CFAP410: variants seen among roughly 807,000 people sequenced by gnomAD.
The protein encoded by CFAP410 is cilia- and flagella-associated protein 410.
In CFAP410, 27 loss-of-function variants were observed where a neutral mutation model predicts 25.7. The ratio of observed to expected loss-of-function variants is 1.05; its 90% CI spans 0.77 to 1.45. CFAP410 has a LOEUF of 1.45. Among genes scored for constraint, CFAP410 ranks in the 40% most tolerant of loss-of-function variants. The probability of loss-of-function intolerance (pLI) is 0.00; values close to 1 mark genes in which losing one functional copy is unlikely to be tolerated. For synonymous variants in CFAP410, 178 were observed against 158.4 expected (o/e 1.12, Z -0.93); for missense variants, 428 against 354.1 (o/e 1.21, Z -1.67).
intron 3 of CFAP410, chr21:44,334,528 C>G (rs949783787): frequency 1.2e-4 from 2 of 17,370 alleles, no homozygotes; most frequent in African/African-American, 3.3e-4. Context: ...CCCCCCCCCC[C>G]CCCCCGCTCA....
rs2047686748 is a variant in CFAP410, at chr21:44,333,237, G to GCTC, written c.166_168dup (p.Glu56dup). 6.2e-7 allele frequency: 1 copy of GCTC among 1,612,198 alleles called. No homozygotes were observed. The highest frequency in any genetic ancestry group is 1.7e-5 in the Admixed American group (1 of 59,950). ...CTCAGGCGCTGGCACCGGCTCACAG[G>GCTC]CTCCAGGGTGGAGATGCTGTTGACA... On this transcript the variant is annotated inframe_insertion, in exon 4 of 7. Transcript: ENST00000339818.
At position 44,330,818 on chromosome 21, in the gene CFAP410, C is replaced by T; in HGVS notation, c.642+5G>A. ...AGCCGCGGCCCCTAGCGGCCCGCCA[C>T]TCACCCTGCCCCTGTGGCTGCTCGA... On this transcript the variant is annotated splice_donor_5th_base_variant and intron_variant, in intron 6 of 6. Coordinates refer to ENST00000339818, the MANE Select transcript of CFAP410 (RefSeq NM_004928.3). The T allele has an allele frequency of 6.3e-7, 1 of 1,597,252 alleles. No individual in the cohort carries two copies.
chr21:44,337,194 C>T lies in CFAP410; in HGVS notation c.96+455G>A, dbSNP rs149244254. On this transcript the variant is annotated intron_variant, in intron 2 of 6. Transcript: ENST00000339818. Reference sequence around the variant, plus strand: ...AGAGAAGAAAAAAATCTTTCACAGACGCACACACTCAAGTTCTCCCAGCAG... The same window carrying T: ...AGAGAAGAAAAAAATCTTTCACAGATGCACACACTCAAGTTCTCCCAGCAG... 2.8e-4 allele frequency among the ~76,000 whole-genome samples: 42 copies of T among 152,198 alleles called. No homozygotes were observed. In the East Asian group the frequency reaches 5.8e-3, roughly 21 times the overall value.
At chr21:44,338,281 G>A in intron 1 of CFAP410, 1 of 1,286,464 alleles carries the variant, frequency 7.8e-7, no homozygotes, top group South Asian at 1.2e-5. Context: ...TGCTCTCGCT[G>A]ACCCCCACAC....
chr21:44,330,576 C>G, intron 6 of CFAP410: 1 of 1,549,750 alleles, frequency 6.5e-7, no homozygotes, highest in African/African-American at 1.4e-5. Flanking sequence ...CCACATTCCA[C>G]AGACCAGGAC....
chr21:44,335,698 C>T (rs889274820), intron 3 of CFAP410, 60 bp downstream of exon 3: 109 of 1,332,106 alleles, frequency 8.2e-5, no homozygotes, highest in Admixed American at 2.9e-4. Flanking sequence ...ACTGGAGGGA[C>T]GTGAGGCTCT....
At chr21:44,337,096 A>AG (rs1568992246) in intron 2 of CFAP410, among the ~76,000 whole-genome samples, 8 of 151,448 alleles carry the variant, frequency 5.3e-5, no homozygotes, top group Non-Finnish European at 7.4e-5. Flanking sequence ...AAAAAAAAAA[A>AG]AAAGAAAGAA....
chr21:44,331,584 G>T, intron 5 of CFAP410: 1 of 487,360 alleles, frequency 2.1e-6, no homozygotes. Flanking sequence ...CTCTGTGCCA[G>T]GGCACGGGGC....
rs2047657113 is a variant in CFAP410, at chr21:44,331,955, G to GGGCC, written c.429_432dup (p.Pro145GlyfsTer26). 2 of 1,613,474 alleles carry GGGCC rather than the reference G, an allele frequency of 1.2e-6. No individual in the cohort carries two copies. Among genetic ancestry groups the GGGCC allele is most frequent in the African/African-American group, 1.3e-5 (1 of 74,938 alleles). ...CCGTGGCCTGTGCCCTCTCTCTCTG[G>GGGCC]GGCCGCAGTGATCTCCTCTCCCTCA... is the stretch of plus-strand genomic sequence containing the variant. On this transcript the variant is annotated frameshift_variant, in exon 5 of 7. Transcript: ENST00000339818. LOFTEE classifies it high-confidence loss of function.
intron 5 of CFAP410, chr21:44,331,221 T>G: frequency 4.2e-6 from 2 of 471,464 alleles, no homozygotes; most frequent in Non-Finnish European, 7.6e-6. Context: ...AACACACAAA[T>G]GCCGGGGGAG....
intron 1 of CFAP410, chr21:44,338,663 G>T (rs1291577147): frequency 8.6e-5 from 7 of 81,650 alleles, no homozygotes; most frequent in Non-Finnish European, 6.4e-5. Context: ...GCCGGGAAAT[G>T]GGGGGGGGCC....
At chr21:44,334,311 C>T (rs974695877) in intron 3 of CFAP410, 11 of 455,476 alleles carry the variant, frequency 2.4e-5, no homozygotes, top group African/African-American at 1.2e-4. Flanking sequence ...CCCTGGGTGA[C>T]TCAGTGAGCG....
chr21:44,334,137 G>A (rs910017484), intron 3 of CFAP410: 1 of 456,182 alleles, frequency 2.2e-6, no homozygotes, highest in Non-Finnish European at 4.4e-6. Flanking sequence ...GTGATGTACC[G>A]ACCGCGTCCG....
chr21:44,330,055 C>T lies in CFAP410; in HGVS notation c.*143G>A. 3 of 936,118 alleles carry T rather than the reference C, an allele frequency of 3.2e-6. No individual in the cohort carries two copies. Among genetic ancestry groups the T allele is most frequent in the Non-Finnish European group, 4.8e-6 (3 of 628,246 alleles). 58.0% of individuals were successfully genotyped at this position (936,118 alleles called of 1,614,324 possible). On this transcript the variant is annotated 3_prime_UTR_variant, in exon 7 of 7. Transcript: ENST00000339818. Reference sequence around the variant, plus strand: ...GGTTAGCCAGTACCTAACACCCACTCCTGCCCTCGGCCGATGTGGCAAACC... The same window carrying T: ...GGTTAGCCAGTACCTAACACCCACTTCTGCCCTCGGCCGATGTGGCAAACC...
rs563535881 is a variant in CFAP410, at chr21:44,330,638, C to T, written c.642+185G>A. The T allele has an allele frequency of 6.8e-4, 1,048 of 1,548,978 alleles. 8 individuals are homozygous for T. The South Asian group carries it at 0.012, about 17-fold the overall frequency. On this transcript the variant is annotated intron_variant, in intron 6 of 6. Coordinates refer to ENST00000339818, the MANE Select transcript of CFAP410 (RefSeq NM_004928.3). Reference sequence around the variant, plus strand: ...GGCTCCGTGCGGGGCACGTGTTACACGTGTGTGCGCATTCACAGACCCGCA... The same window carrying T: ...GGCTCCGTGCGGGGCACGTGTTACATGTGTGTGCGCATTCACAGACCCGCA...
At chr21:44,335,593 T>A in intron 3 of CFAP410, 165 bp downstream of exon 3, 1 of 629,350 alleles carries the variant, frequency 1.6e-6, no homozygotes, top group Non-Finnish European at 2.9e-6. Context: ...GGCCACAGGG[T>A]AGGCCCAGCT....
rs765226708 is a variant in CFAP410 at position 44,331,846 on chromosome 21, G to GCCT, written c.539_541dup (p.Glu180dup). On this transcript the variant is annotated inframe_insertion, in exon 5 of 7. Transcript: ENST00000339818. Reference sequence around the variant, plus strand: ...CCCCGCTGCCCTCCAGCCTCACGTTGCCTCCTCCTCGCTGTCCAGCGGGTC... The same window carrying GCCT: ...CCCCGCTGCCCTCCAGCCTCACGTTGCCTCCTCCTCCTCGCTGTCCAGCGGGTC... 1 of 1,610,188 alleles carries GCCT rather than the reference G, an allele frequency of 6.2e-7. No individual in the cohort carries two copies. The highest frequency in any genetic ancestry group is 8.5e-7 in the Non-Finnish European group (1 of 1,179,376).
intron 3 of CFAP410, chr21:44,334,081 T>C (rs1334677757): frequency 4.4e-6 from 2 of 455,902 alleles, no homozygotes; most frequent in African/African-American, 2.0e-5. Flanking sequence ...ACTCCGGCTG[T>C]GGGACTCTTT....
chr21:44,337,781 T>G, intron 1 of CFAP410, 114 bp from the exon 2 acceptor site: 1 of 821,644 alleles, frequency 1.2e-6, no homozygotes, highest in African/African-American at 1.7e-5. Flanking sequence ...ATTCTAGGAT[T>G]TTAATGGCAT....
Sources: gnomAD v4.1 joint callset for allele counts (sites outside exome capture counted in the v4.1 genomes callset) on GRCh38, gnomAD v4.1.1 for gene constraint, MANE v1.5 for transcripts, NCBI Gene and HGNC (gene_info 2026-07-23, HGNC 2026-07-21) for gene names.